ECPAS: variants seen among roughly 807,000 people sequenced by gnomAD.
ECPAS encodes the protein proteasome adapter and scaffold protein ECM29.
ECPAS carries 70 observed loss-of-function variants against 255.1 expected under a neutral mutation model. The ratio of observed to expected loss-of-function variants is 0.27; its 90% CI spans 0.23 to 0.33. The LOEUF (loss-of-function observed/expected upper bound fraction) is 0.33. ECPAS is among the 10% of genes least tolerant of loss of function. The pLI is 1.00. For synonymous variants in ECPAS, 784 were observed against 775.0 expected (o/e 1.01, Z -0.19); for missense variants, 1,817 against 2,206.4 (o/e 0.82, Z 3.54).
chr9:111,393,085 A>T (rs1404545987), intron 27 of ECPAS, among the ~76,000 whole-genome samples: 1 of 152,220 alleles, frequency 6.6e-6, no homozygotes, highest in African/African-American at 2.4e-5. Flanking sequence ...TGTAAATGAG[A>T]ACCACATTCA....
intron 2 of ECPAS, among the ~76,000 whole-genome samples, chr9:111,460,245 G>A (rs186311176): frequency 6.6e-6 from 1 of 152,116 alleles, no homozygotes; most frequent in East Asian, 1.9e-4. Flanking sequence ...ATACAGAAAA[G>A]GCATTTGATC....
intron 35 of ECPAS, among the ~76,000 whole-genome samples, chr9:111,380,345 T>G (rs868705840): frequency 2.0e-5 from 3 of 152,168 alleles, no homozygotes; most frequent in Middle Eastern, 3.4e-3. Context: ...TGTTATTTTT[T>G]TGTTTGTTTG....
At chr9:111,465,989 T>A (rs897540463) in intron 2 of ECPAS, among the ~76,000 whole-genome samples, 1 of 151,540 alleles carries the variant, frequency 6.6e-6, no homozygotes, top group Non-Finnish European at 1.5e-5. Flanking sequence ...AGCTAGATCA[T>A]GCCTCTGCAC....
chr9:111,466,591 T>A lies in ECPAS; in HGVS notation c.22+6306A>T, dbSNP rs1279973368. On this transcript the variant is annotated intron_variant, in intron 2 of 49. Transcript: ENST00000684092. ...GACATTCTTGTAGGAGGAAAAAAAA[T>A]CTACTAAAAATATAAATAACTAAAT... is the stretch of plus-strand genomic sequence containing the variant. 2.7e-5 allele frequency among the ~76,000 whole-genome samples: 4 copies of A among 149,668 alleles called. No individual in the cohort carries two copies. The South Asian group carries it at 6.3e-4, about 24-fold the overall frequency.
chr9:111,461,887 C>T (rs562149900), intron 2 of ECPAS, among the ~76,000 whole-genome samples: 35 of 152,294 alleles, frequency 2.3e-4, no homozygotes, highest in African/African-American at 7.5e-4. Context: ...AAAGGGACAG[C>T]TTGTACAGGC....
chr9:111,377,829 T>C (rs993230582), intron 36 of ECPAS, among the ~76,000 whole-genome samples: 3 of 152,082 alleles, frequency 2.0e-5, no homozygotes, highest in Admixed American at 6.6e-5. Flanking sequence ...ACAATAAATA[T>C]GTTTCATCTG....
intron 21 of ECPAS, 47 bp from the exon 22 acceptor site, chr9:111,411,189 A>T: frequency 1.3e-6 from 2 of 1,574,468 alleles, no homozygotes; most frequent in South Asian, 1.1e-5. Flanking sequence ...TCTCTCATAT[A>T]CGCAAGAATA....
intron 1 of ECPAS, among the ~76,000 whole-genome samples, chr9:111,481,028 T>C (rs921077827): frequency 3.3e-5 from 5 of 152,308 alleles, no homozygotes; most frequent in African/African-American, 1.2e-4. Context: ...TGTTTGGTTC[T>C]ACAACAGGAA....
At chr9:111,383,753 T>G (rs964455337) in intron 34 of ECPAS, among the ~76,000 whole-genome samples, 1 of 152,062 alleles carries the variant, frequency 6.6e-6, no homozygotes, top group Admixed American at 6.5e-5. Flanking sequence ...AGACCCTGTC[T>G]CTACAAAAAG....
At chr9:111,408,123 G>A (rs1189129353) in intron 24 of ECPAS, among the ~76,000 whole-genome samples, 1 of 152,218 alleles carries the variant, frequency 6.6e-6, no homozygotes, top group Admixed American at 6.5e-5. Flanking sequence ...GGCCAGATCA[G>A]GCCATGCTGA....
intron 9 of ECPAS, among the ~76,000 whole-genome samples, chr9:111,429,646 C>A (rs951936563): frequency 3.3e-5 from 5 of 152,160 alleles, no homozygotes; most frequent in Non-Finnish European, 5.9e-5. Flanking sequence ...TTCTGCTTTA[C>A]CACACTCAAT....
chr9:111,417,916 G>T lies in ECPAS; in HGVS notation c.1650C>A (p.Ser550=). 6 of 1,583,902 alleles carry T rather than the reference G, an allele frequency of 3.8e-6. No individual in the cohort carries two copies. The highest frequency in any genetic ancestry group is 5.2e-6 in the Non-Finnish European group (6 of 1,163,706). The part of the protein sequence containing the change: ...RKESTSEQMP[S]FPEMVYYIQE... ...GGATGTAATAAACCATTTCTGGGAA[G>T]GAAGGCATCTGCTCAGAAGTACTTT... The change falls in exon 17 of 50, where the codon TCC becomes TCA. Residue 550 remains serine (S), a synonymous_variant. Transcript: ENST00000684092.
chr9:111,451,399 TC>T (rs1564554565), intron 3 of ECPAS, 25 bp downstream of exon 3: 1 of 1,551,798 alleles, frequency 6.4e-7, no homozygotes, highest in Admixed American at 2.0e-5. Flanking sequence ...ATCATTTAAT[TC>T]CCCCAGCTGT....
At chr9:111,439,877 G>C (rs2098243398) in intron 6 of ECPAS, among the ~76,000 whole-genome samples, 1 of 152,148 alleles carries the variant, frequency 6.6e-6, no homozygotes, top group South Asian at 2.1e-4. Flanking sequence ...GATGATAGCA[G>C]TGGGAAGAGT....
intron 12 of ECPAS, 107 bp downstream of exon 12, chr9:111,425,311 T>A (rs62569879): frequency 3.5e-4 from 243 of 697,876 alleles, no homozygotes; most frequent in Non-Finnish European, 5.1e-4. Context: ...TAAGGAACAG[T>A]GAAACTTTAA....
At chr9:111,429,922 T>TTTAAA (rs2098227375) in intron 9 of ECPAS, among the ~76,000 whole-genome samples, 1 of 152,192 alleles carries the variant, frequency 6.6e-6, no homozygotes, top group Non-Finnish European at 1.5e-5. Flanking sequence ...TTAAACACAG[T>TTTAAA]GAACTAAAAA....
intron 2 of ECPAS, among the ~76,000 whole-genome samples, chr9:111,463,274 A>ACTTCTGTGGTGAAT (rs1356712945): frequency 2.0e-5 from 3 of 152,162 alleles, no homozygotes; most frequent in Non-Finnish European, 2.9e-5. Flanking sequence ...CTGTGGTGAA[A>ACTTCTGTGGTGAAT]CTTCTGTGGT....
intron 9 of ECPAS, among the ~76,000 whole-genome samples, chr9:111,430,201 C>T (rs1469669928): frequency 6.6e-6 from 1 of 152,174 alleles, no homozygotes; most frequent in African/African-American, 2.4e-5. Context: ...CAACCATGCT[C>T]ATTCGGTTAT....
intron 2 of ECPAS, among the ~76,000 whole-genome samples, chr9:111,460,972 T>C (rs1016752063): frequency 7.2e-5 from 11 of 152,058 alleles, no homozygotes; most frequent in Non-Finnish European, 1.0e-4. Flanking sequence ...CAGGCCAGCC[T>C]GGGCAACACA....
Sources: gnomAD v4.1 joint callset for allele counts (sites outside exome capture counted in the v4.1 genomes callset) on GRCh38, gnomAD v4.1.1 for gene constraint, MANE v1.5 for transcripts, NCBI Gene and HGNC (gene_info 2026-07-23, HGNC 2026-07-21) for gene names.